CUBN: variants seen among roughly 807,000 people sequenced by gnomAD.
CUBN encodes the protein 460 kDa receptor.
Under a neutral mutation model 405.3 loss-of-function variants are expected in CUBN, and 282 were observed. The observed-to-expected ratio is 0.70, with a 90% CI of 0.63 to 0.77. CUBN has a LOEUF of 0.77. Ranked by LOEUF, CUBN falls within the 30% of genes least tolerant of loss-of-function variation. The pLI, the probability that CUBN is intolerant of heterozygous loss-of-function variation, is 0.00. For synonymous variants in CUBN, 1,684 were observed against 1,617.0 expected, an observed-to-expected ratio of 1.04 and a Z score of -0.99; for missense variants, 4,514 against 4,475.2, an observed-to-expected ratio of 1.01 and a Z score of -0.25.
chr10:16,932,975 T>C (rs1842401298), intron 40 of CUBN, 112 bp downstream of exon 40: 1 of 1,065,448 alleles, frequency 9.4e-7, no homozygotes, highest in Non-Finnish European at 1.4e-6. Context: ...GACCATAATA[T>C]CTGTGTAATT....
intron 56 of CUBN, among the ~76,000 whole-genome samples, chr10:16,878,991 C>A (rs892047482): frequency 2.0e-5 from 3 of 152,110 alleles, no homozygotes; most frequent in African/African-American, 7.2e-5. Context: ...TTGTTTCCAC[C>A]TTTTGGCTAT....
chr10:16,845,673 A>G (rs1010067123), intron 60 of CUBN, among the ~76,000 whole-genome samples: 6 of 152,252 alleles, frequency 3.9e-5, no homozygotes, highest in Admixed American at 2.6e-4. Context: ...TATAGTAGGT[A>G]TGCTAATTAA....
intron 4 of CUBN, among the ~76,000 whole-genome samples, chr10:17,125,112 G>A (rs551195174): frequency 7.2e-5 from 11 of 152,174 alleles, no homozygotes; most frequent in Admixed American, 2.6e-4. Flanking sequence ...GATTACAGGC[G>A]TGAGCCACCG....
At chr10:16,840,560 C>A in intron 61 of CUBN, 25 bp from the exon 62 acceptor site, 3 of 1,529,986 alleles carry the variant, frequency 2.0e-6, no homozygotes, top group Non-Finnish European at 2.7e-6. Flanking sequence ...AAAAGCAACA[C>A]AGGAGACATT....
intron 28 of CUBN, among the ~76,000 whole-genome samples, chr10:16,992,507 T>C (rs1833621851): frequency 6.6e-6 from 1 of 152,184 alleles, no homozygotes; most frequent in Non-Finnish European, 1.5e-5. Flanking sequence ...GTCTGAGATC[T>C]TGTCTACTGT....
At chr10:17,064,968 T>G (rs563957297) in intron 22 of CUBN, among the ~76,000 whole-genome samples, 2 of 152,242 alleles carry the variant, frequency 1.3e-5, no homozygotes, top group African/African-American at 2.4e-5. Flanking sequence ...TACATTGTTA[T>G]TCTGTTTCTA....
chr10:17,043,713 A>G, intron 26 of CUBN, 114 bp downstream of exon 26: 2 of 1,432,608 alleles, frequency 1.4e-6, no homozygotes, highest in Non-Finnish European at 2.0e-6. Context: ...GGCCCACTCT[A>G]GGCACTGAAC....
rs140117869 is a variant in CUBN at position 16,925,682 on chromosome 10, C to G, written c.6364G>C (p.Val2122Leu). The G allele has an allele frequency of 4.3e-6, 7 of 1,614,006 alleles. No individual in the cohort carries two copies. The South Asian group carries it at 7.7e-5, about 18-fold the overall frequency. ...ATGGTCAGGCCACTTTGGACCAGGA[C>G]GTGCCAAGAACAGTTGAGGTTGGAT... ...YPSNLNCSWH[V>L]LVQSGLTIAV... The change falls in exon 42 of 67, where the codon GTC (valine) becomes CTC (leucine). Residue 2122 changes from valine to leucine, a missense_variant. By Grantham distance (32) the Val-to-Leu change is conservative (BLOSUM62 1). Around this residue, in one of 5 missense-constraint regions of CUBN, gnomAD observed 1,613 missense variants for 1,542.8 expected, o/e 1.05. Coordinates refer to ENST00000377833, the MANE Select transcript of CUBN (RefSeq NM_001081.4).
intron 8 of CUBN, 151 bp downstream of exon 8, chr10:17,113,876 C>G (rs1836823528): frequency 1.3e-6 from 1 of 788,930 alleles, no homozygotes; most frequent in Admixed American, 2.0e-5. Context: ...ATTGTGATAG[C>G]AGTGAGATCG....
intron 22 of CUBN, among the ~76,000 whole-genome samples, chr10:17,048,826 C>T (rs187862167): frequency 1.1e-4 from 17 of 152,220 alleles, no homozygotes; most frequent in Admixed American, 3.3e-4. Flanking sequence ...CTAGTTGCTG[C>T]TATATAATCC....
At chr10:17,058,668 C>G (rs910315778) in intron 22 of CUBN, among the ~76,000 whole-genome samples, 2 of 152,050 alleles carry the variant, frequency 1.3e-5, no homozygotes, top group Admixed American at 6.6e-5. Context: ...CCCCTCTTAA[C>G]TATCACTGAA....
intron 45 of CUBN, among the ~76,000 whole-genome samples, chr10:16,917,316 A>G (rs1841910637): frequency 6.6e-6 from 1 of 152,190 alleles, no homozygotes. Flanking sequence ...ACCCCCAGTG[A>G]GTGCCTAAAG....
At chr10:16,985,800 TAG>T (rs1833401660) in intron 29 of CUBN, among the ~76,000 whole-genome samples, 1 of 152,246 alleles carries the variant, frequency 6.6e-6, no homozygotes, top group Admixed American at 6.5e-5. Context: ...GTTTCACTTC[TAG>T]ATCTATCACA....
intron 22 of CUBN, among the ~76,000 whole-genome samples, chr10:17,048,016 G>T (rs1588609947): frequency 6.6e-6 from 1 of 152,230 alleles, no homozygotes; most frequent in African/African-American, 2.4e-5. Flanking sequence ...GACAAAGCAG[G>T]TACCTCCACC....
Position 16,904,038 on chromosome 10 carries a change from G to A in CUBN, c.7990C>T (p.Gln2664Ter), listed in dbSNP as rs575118918. Reference sequence around the variant, plus strand: ...TTGGTGACAAAGTGAATCCATACCTGAGAATAAGGTATAACCAATGGCAAT... The same window carrying A: ...TTGGTGACAAAGTGAATCCATACCTAAGAATAAGGTATAACCAATGGCAAT... ...PTLPLVIPYSQVWIHFVTNER... is the reference protein window; with the variant it reads ...PTLPLVIPYS The change falls in exon 51 of 67, where the codon CAG (glutamine) becomes TAG (stop). Residue 2664 changes from glutamine to a stop codon, truncating the protein, a stop_gained. Coordinates refer to ENST00000377833, the MANE Select transcript of CUBN (RefSeq NM_001081.4). LOFTEE classifies it high-confidence loss of function. 2.5e-6 allele frequency: 4 copies of A among 1,610,470 alleles called. No homozygotes were observed. The South Asian group carries it at 3.3e-5, about 13-fold the overall frequency.
intron 28 of CUBN, among the ~76,000 whole-genome samples, chr10:17,001,312 C>T (rs572342197): frequency 2.6e-5 from 4 of 152,310 alleles, no homozygotes; most frequent in Admixed American, 6.5e-5. Flanking sequence ...GCCACTGGTG[C>T]GCAGGAGGCC....
chr10:16,950,070 T>G lies in CUBN; in HGVS notation c.5011A>C (p.Arg1671=), dbSNP rs144472791. Residue 1671 remains arginine, a synonymous_variant, in exon 34 of 67, where the codon AGA becomes CGA. Transcript: ENST00000377833. The part of the protein sequence containing the change: ...TLSFTHFELE[R]STTCARDFVE... Reference sequence around the variant, plus strand: ...AAGTCACGTGCACACGTTGTGCTTCTTTCAAGTTCAAAGTGGGTAAAAGAG... The same window carrying G: ...AAGTCACGTGCACACGTTGTGCTTCGTTCAAGTTCAAAGTGGGTAAAAGAG... The G allele has an allele frequency of 4.9e-4, 796 of 1,614,072 alleles. 6 individuals are homozygous for G. In the African/African-American group the frequency reaches 9.6e-3, roughly 19 times the overall value.
chr10:17,068,923 T>C (rs1835675021), intron 19 of CUBN, among the ~76,000 whole-genome samples, 153 bp from the exon 20 acceptor site: 1 of 152,116 alleles, frequency 6.6e-6, no homozygotes, highest in African/African-American at 2.4e-5. Flanking sequence ...CAAAAAACAC[T>C]CATATCCTTT....
At chr10:17,074,501 C>T (rs994125034) in intron 17 of CUBN, among the ~76,000 whole-genome samples, 4 of 152,178 alleles carry the variant, frequency 2.6e-5, no homozygotes, top group Admixed American at 2.6e-4. Flanking sequence ...TAAAATCTCG[C>T]TCTATTTTAC....
Sources: allele counts gnomAD v4.1 joint callset (sites outside exome capture counted in the v4.1 genomes callset), GRCh38; gene constraint gnomAD v4.1.1; regional missense constraint gnomAD v4.1.1; transcripts MANE v1.5; gene names NCBI Gene and HGNC (gene_info 2026-07-23, HGNC 2026-07-21).